The following MACROD2 variants were observed in gnomAD, a reference collection of about 807,000 sequenced individuals.
MACROD2 encodes ADP-ribose glycohydrolase MACROD2.
In MACROD2, 36 loss-of-function variants were observed where a neutral mutation model predicts 70.4. The ratio of observed to expected loss-of-function variants is 0.51; its 90% CI spans 0.39 to 0.68. The LOEUF is 0.68. Among genes scored for constraint, MACROD2 ranks in the 30% least tolerant of loss-of-function variants. MACROD2 has a pLI of 0.00. For synonymous variants in MACROD2, 172 were observed against 178.8 expected, an observed-to-expected ratio of 0.96 and a Z score of 0.30; for missense variants, 496 against 538.4, an observed-to-expected ratio of 0.92 and a Z score of 0.78.
At chr20:15,602,857 G>A (rs2048840833) in intron 8 of MACROD2, among the ~76,000 whole-genome samples, 1 of 151,862 alleles carries the variant, frequency 6.6e-6, no homozygotes, top group African/African-American at 2.4e-5. Context: ...AATGGAATGA[G>A]GTCTCTACTA....
intron 5 of MACROD2, among the ~76,000 whole-genome samples, chr20:15,038,997 C>T (rs1446881602): frequency 6.6e-6 from 1 of 152,166 alleles, no homozygotes; most frequent in African/African-American, 2.4e-5. Context: ...AGAAGTGATA[C>T]TTTTATCTCA....
chr20:15,994,494 T>C (rs1218782407), intron 15 of MACROD2, among the ~76,000 whole-genome samples: 1 of 152,216 alleles, frequency 6.6e-6, no homozygotes, highest in Non-Finnish European at 1.5e-5. Context: ...GAATTAGTTA[T>C]GATACTGCTA....
intron 3 of MACROD2, among the ~76,000 whole-genome samples, chr20:14,091,431 G>A (rs1265292653): frequency 6.6e-6 from 1 of 152,064 alleles, no homozygotes; most frequent in African/African-American, 2.4e-5. Flanking sequence ...CAGGGTGACT[G>A]TAATAAATAA....
intron 3 of MACROD2, among the ~76,000 whole-genome samples, chr20:14,349,990 C>T (rs1008966021): frequency 2.6e-5 from 4 of 151,792 alleles, no homozygotes; most frequent in Non-Finnish European, 5.9e-5. Flanking sequence ...CTCAGGCGAT[C>T]CACCCACCTC....
At chr20:14,715,317 A>G (rs911993378) in intron 5 of MACROD2, among the ~76,000 whole-genome samples, 1 of 152,210 alleles carries the variant, frequency 6.6e-6, no homozygotes, top group Non-Finnish European at 1.5e-5. Context: ...GGTGGGGATT[A>G]TGGGAACTAC....
intron 6 of MACROD2, among the ~76,000 whole-genome samples, chr20:15,288,867 GTCTATCTATCTATCTA>G (rs3070384): frequency 4.1e-5 from 6 of 146,852 alleles, no homozygotes; most frequent in East Asian, 2.0e-4. Context: ...CTGTCTGTCT[GTCTATCTATCTATCTA>G]TCTATCTATC....
chr20:15,959,558 G>C (rs1383390744), intron 12 of MACROD2, among the ~76,000 whole-genome samples: 1 of 152,008 alleles, frequency 6.6e-6, no homozygotes, highest in Non-Finnish European at 1.5e-5. Flanking sequence ...AGACAGACTC[G>C]CACTGTGTCA....
At chr20:14,469,416 T>G (rs2084500175) in intron 3 of MACROD2, among the ~76,000 whole-genome samples, 1 of 152,050 alleles carries the variant, frequency 6.6e-6, no homozygotes, top group African/African-American at 2.4e-5. Flanking sequence ...TTGGGGTTGC[T>G]CTTCTCGGGG....
At chr20:15,304,100 C>A (rs961247975) in intron 6 of MACROD2, among the ~76,000 whole-genome samples, 19 of 152,082 alleles carry the variant, frequency 1.2e-4, no homozygotes, top group African/African-American at 4.6e-4. Context: ...TATTTTCTTT[C>A]TTTTCTGTGT....
chr20:14,760,666 T>G (rs2072004082), intron 5 of MACROD2, among the ~76,000 whole-genome samples: 1 of 152,120 alleles, frequency 6.6e-6, no homozygotes, highest in South Asian at 2.1e-4. Context: ...TTAGTTTCCC[T>G]TCCTTCACAT....
At chr20:14,572,706 G>C (rs1410960914) in intron 4 of MACROD2, among the ~76,000 whole-genome samples, 2 of 152,002 alleles carry the variant, frequency 1.3e-5, no homozygotes, top group Non-Finnish European at 2.9e-5. Flanking sequence ...TTTGTATTGT[G>C]ACTGGAAGTT....
chr20:14,057,390 T>C (rs986393714), intron 2 of MACROD2, among the ~76,000 whole-genome samples: 1 of 152,188 alleles, frequency 6.6e-6, no homozygotes, highest in African/African-American at 2.4e-5. Context: ...CTTATATCCA[T>C]ACTATGTAAA....
At chr20:14,605,067 A>G (rs2123414062) in intron 4 of MACROD2, among the ~76,000 whole-genome samples, 1 of 152,322 alleles carries the variant, frequency 6.6e-6, no homozygotes, top group Non-Finnish European at 1.5e-5. Flanking sequence ...TAACACTTTA[A>G]TCTCTTCAAT....
Position 14,483,771 on chromosome 20 carries a change from A to G in MACROD2, c.272-9708A>G, listed in dbSNP as rs868103971. Among the ~76,000 whole-genome samples the G allele has an allele frequency of 2.6e-5, 4 of 152,358 alleles. No individual in the cohort carries two copies. The Middle Eastern group carries it at 0.01, about 389-fold the overall frequency. On this transcript the variant is annotated intron_variant, in intron 3 of 17. Transcript: ENST00000684519. ...CTTTAAATTTTCAAGAAATTTAATT[A>G]GAAAGTAGTGGAAAATTTCTTACTC...
At chr20:15,930,876 C>T (rs2065566163) in intron 10 of MACROD2, among the ~76,000 whole-genome samples, 1 of 152,178 alleles carries the variant, frequency 6.6e-6, no homozygotes. Context: ...CTATTAGAAC[C>T]AATTCCTCAC....
chr20:14,918,937 C>G (rs1173241937), intron 5 of MACROD2, among the ~76,000 whole-genome samples: 1 of 152,102 alleles, frequency 6.6e-6, no homozygotes, highest in African/African-American at 2.4e-5. Flanking sequence ...TCATCAACTA[C>G]TCTCTCCCCC....
At chr20:15,266,501 T>C (rs1224927586) in intron 6 of MACROD2, among the ~76,000 whole-genome samples, 1 of 152,244 alleles carries the variant, frequency 6.6e-6, no homozygotes, top group East Asian at 1.9e-4. Flanking sequence ...AGAAAGGATG[T>C]GACTCCTTCT....
intron 6 of MACROD2, among the ~76,000 whole-genome samples, chr20:15,376,416 C>A (rs1182948803): frequency 6.6e-6 from 1 of 152,108 alleles, no homozygotes; most frequent in Non-Finnish European, 1.5e-5. Flanking sequence ...CATTGACTAA[C>A]TGGGTCAATA....
intron 5 of MACROD2, among the ~76,000 whole-genome samples, chr20:14,811,968 C>T (rs960419386): frequency 1.3e-5 from 2 of 152,088 alleles, no homozygotes; most frequent in African/African-American, 4.8e-5. Flanking sequence ...GAACGCTTTA[C>T]ACTGTTCGTG....
Sources: gnomAD v4.1 joint callset for allele counts (sites outside exome capture counted in the v4.1 genomes callset) on GRCh38, gnomAD v4.1.1 for gene constraint, MANE v1.5 for transcripts, NCBI Gene and HGNC (gene_info 2026-07-23, HGNC 2026-07-21) for gene names.